EFHB: variants seen among roughly 807,000 people sequenced by gnomAD.
EFHB encodes EF-hand domain family member B, also known as EF-hand domain-containing family member B.
Under a neutral mutation model 87.2 loss-of-function variants are expected in EFHB, and 91 were observed. The observed-to-expected ratio is 1.04, with a 90% CI of 0.88 to 1.24. The LOEUF (loss-of-function observed/expected upper bound fraction) is 1.24, where lower values mean the gene tolerates loss of function less well. EFHB is among the 50% of genes most tolerant of loss of function. The pLI, the probability that EFHB is intolerant of heterozygous loss-of-function variation, is 0.00. For missense variants in EFHB, 1,084 were observed against 998.8 expected, an observed-to-expected ratio of 1.09 and a Z score of -1.15; for synonymous variants, 325 against 333.6, an observed-to-expected ratio of 0.97 and a Z score of 0.28.
At chr3:19,937,484 T>A, upstream of EFHB, among the ~76,000 whole-genome samples, 1 of 152,090 alleles carries the variant, frequency 6.6e-6, no homozygotes, top group East Asian at 1.9e-4. Context: ...AGCACCGAGA[T>A]CATCAGGACC....
intron 9 of EFHB, among the ~76,000 whole-genome samples, chr3:19,889,530 C>G (rs2125122101): frequency 6.6e-6 from 1 of 152,202 alleles, no homozygotes; most frequent in East Asian, 1.9e-4. Flanking sequence ...CTCTTACTGC[C>G]CAGGACTGGA....
chr3:19,896,251 A>C (rs1039702042), intron 9 of EFHB, among the ~76,000 whole-genome samples: 1 of 152,174 alleles, frequency 6.6e-6, no homozygotes, highest in Non-Finnish European at 1.5e-5. Flanking sequence ...TCACTAGAGC[A>C]CTTGCAAAAA....
At chr3:19,908,570 G>GAA (rs1694923266) in intron 5 of EFHB, among the ~76,000 whole-genome samples, 1 of 66,398 alleles carries the variant, frequency 1.5e-5, no homozygotes, top group Non-Finnish European at 3.0e-5. Flanking sequence ...GAAAGAGAGA[G>GAA]AGAGAGAGAG....
At chr3:19,896,371 A>G (rs1694480906) in intron 9 of EFHB, among the ~76,000 whole-genome samples, 1 of 152,202 alleles carries the variant, frequency 6.6e-6, no homozygotes, top group East Asian at 1.9e-4. Context: ...GTGGAACCAC[A>G]CTTTGACAAC....
At position 19,915,403 on chromosome 3, in the gene EFHB, A is replaced by C; in HGVS notation, c.1188T>G (p.Ala396=). The change falls in exon 5 of 13, where the codon GCT becomes GCG. Residue 396 remains alanine, a synonymous_variant. Coordinates refer to ENST00000295824, the MANE Select transcript of EFHB (RefSeq NM_144715.4). ...ATTTTGGTGGATTCACCACATCTTT[A>C]GCAGAGTATTCTGAAGGAAGAATTA... is the stretch of plus-strand genomic sequence containing the variant. ...FGTAVIKEYS[A]KDVVNPPKSY... 1.9e-6 allele frequency: 3 copies of C among 1,606,680 alleles called. No homozygotes were observed. Among genetic ancestry groups the C allele is most frequent in the Non-Finnish European group, 2.6e-6 (3 of 1,174,618 alleles).
intron 5 of EFHB, among the ~76,000 whole-genome samples, chr3:19,906,229 TG>T (rs540079988): frequency 2.0e-5 from 3 of 152,196 alleles, no homozygotes; most frequent in Non-Finnish European, 4.4e-5. Context: ...CTTCGGAGGC[TG>T]AGGCACGAGA....
At chr3:19,933,127 T>C in intron 1 of EFHB, 103 bp downstream of exon 1, 1 of 1,343,580 alleles carries the variant, frequency 7.4e-7, no homozygotes, top group Non-Finnish European at 9.9e-7. Flanking sequence ...AAAATCCTTG[T>C]GATTTGTCTC....
chr3:19,880,833 T>C (rs193213233), intron 12 of EFHB, among the ~76,000 whole-genome samples: 1 of 149,596 alleles, frequency 6.7e-6, no homozygotes, highest in East Asian at 2.0e-4. Context: ...ATAGAATGAG[T>C]AGTGGGAATA....
In EFHB at chr3:19,879,514, A is replaced by T. The variant is rs565341441; in HGVS notation, c.*117T>A. Reference sequence around the variant, plus strand: ...TAATTTATTAGCAACACATACAGGCATATGAGTCTTACCACTGTGAACTCT... The same window carrying T: ...TAATTTATTAGCAACACATACAGGCTTATGAGTCTTACCACTGTGAACTCT... On this transcript the variant is annotated 3_prime_UTR_variant, in exon 13 of 13. Coordinates refer to ENST00000295824, the MANE Select transcript of EFHB (RefSeq NM_144715.4). 9.1e-7 allele frequency: 1 copy of T among 1,104,818 alleles called. No homozygotes were observed. The highest frequency in any genetic ancestry group is 2.0e-5 in the South Asian group (1 of 49,048). 68.4% of individuals were successfully genotyped at this position (1,104,818 alleles called of 1,614,324 possible).
At chr3:19,931,055 T>C (rs1695813913) in intron 1 of EFHB, among the ~76,000 whole-genome samples, 1 of 152,160 alleles carries the variant, frequency 6.6e-6, no homozygotes, top group African/African-American at 2.4e-5. Context: ...TTCCAGCTAC[T>C]GGGAGGCTGA....
At chr3:19,935,271 A>C (rs576248460), upstream of EFHB, among the ~76,000 whole-genome samples, 2 of 152,366 alleles carry the variant, frequency 1.3e-5, no homozygotes, top group African/African-American at 4.8e-5. Flanking sequence ...TTTTAAAGAT[A>C]ATGTGGCAAA....
chr3:19,927,879 A>G (rs1377251759), intron 1 of EFHB, among the ~76,000 whole-genome samples: 1 of 151,584 alleles, frequency 6.6e-6, no homozygotes, highest in Non-Finnish European at 1.5e-5. Context: ...GAGTTTAACC[A>G]AGCTTACAAG....
intron 10 of EFHB, among the ~76,000 whole-genome samples, chr3:19,886,667 A>C (rs1694109592): frequency 9.2e-6 from 1 of 108,268 alleles, no homozygotes; most frequent in African/African-American, 4.1e-5. Context: ...ACAGAGTGAG[A>C]CACTGTCTCA....
intron 6 of EFHB, among the ~76,000 whole-genome samples, chr3:19,899,896 A>T (rs928200614): frequency 2.6e-5 from 4 of 151,782 alleles, no homozygotes; most frequent in African/African-American, 9.7e-5. Flanking sequence ...AACATGGCAA[A>T]ACCCTGTCTC....
At chr3:19,924,783 C>G (rs535589974) in intron 1 of EFHB, among the ~76,000 whole-genome samples, 1 of 152,150 alleles carries the variant, frequency 6.6e-6, no homozygotes, top group African/African-American at 2.4e-5. Context: ...AGCTTAATTT[C>G]TTTTCAAAGA....
chr3:19,880,503 C>T (rs1035034858), intron 12 of EFHB, among the ~76,000 whole-genome samples: 2 of 152,076 alleles, frequency 1.3e-5, no homozygotes, highest in Non-Finnish European at 2.9e-5. Context: ...CCACCCATCT[C>T]GGCCTCCCAA....
At chr3:19,890,402 T>C (rs1694265411) in intron 9 of EFHB, among the ~76,000 whole-genome samples, 1 of 152,170 alleles carries the variant, frequency 6.6e-6, no homozygotes, top group Admixed American at 6.5e-5. Context: ...ATGGTTTGGA[T>C]ACAGTTCCCA....
chr3:19,889,556 G>A (rs1468944340), intron 9 of EFHB, among the ~76,000 whole-genome samples: 2 of 152,146 alleles, frequency 1.3e-5, no homozygotes, highest in Admixed American at 1.3e-4. Flanking sequence ...AATGCTGATG[G>A]AGGCAATCCC....
upstream of EFHB, among the ~76,000 whole-genome samples, chr3:19,936,830 T>C (rs908814178): frequency 6.7e-6 from 1 of 150,160 alleles, no homozygotes; most frequent in Non-Finnish European, 1.5e-5. Flanking sequence ...ATTGCGCCAT[T>C]GCACTCCAGC....
Sources: allele counts gnomAD v4.1 joint callset (sites outside exome capture counted in the v4.1 genomes callset), GRCh38; gene constraint gnomAD v4.1.1; transcripts MANE v1.5; gene names NCBI Gene and HGNC (gene_info 2026-07-23, HGNC 2026-07-21).